The following COL9A1 variants were observed in gnomAD, a reference collection of about 807,000 sequenced individuals.
COL9A1 encodes collagen type IX alpha 1 chain, also known as collagen alpha-1(IX) chain.
A neutral mutation model predicts 142.6 loss-of-function variants in COL9A1; 104 were observed. That is an observed-to-expected ratio of 0.73 (90% CI 0.62 to 0.86). The LOEUF is 0.86. Ranked by LOEUF, COL9A1 falls within the 40% of genes least tolerant of loss-of-function variation. The pLI is 0.00. For synonymous variants in COL9A1, 466 were observed against 396.0 expected, an observed-to-expected ratio of 1.18 and a Z score of -2.10; for missense variants, 1,210 against 1,176.6, an observed-to-expected ratio of 1.03 and a Z score of -0.42.
chr6:70,287,017 T>C (rs566565198), intron 5 of COL9A1, among the ~76,000 whole-genome samples: 8 of 152,342 alleles, frequency 5.3e-5, no homozygotes, highest in Admixed American at 1.3e-4. Flanking sequence ...GATTTGATGA[T>C]AAATACTATA....
chr6:70,252,537 T>C (rs972024040), intron 26 of COL9A1, among the ~76,000 whole-genome samples: 2 of 152,304 alleles, frequency 1.3e-5, no homozygotes, highest in East Asian at 3.9e-4. Flanking sequence ...AAAGGTCAAA[T>C]GTCAAACAAT....
Position 70,300,114 on chromosome 6 carries a change from T to A in COL9A1, c.228A>T (p.Arg76Ser). Residue 76 changes from arginine to serine, a missense_variant, in exon 4 of 38, where the codon AGA becomes AGT. Coordinates refer to ENST00000357250, the MANE Select transcript of COL9A1 (RefSeq NM_001851.6). ...CCTGCAATGTAGCTGATCCCACTAC[T>A]CTCTGGATAGCTCTTCTAGATGCTG... ...DKAASRRAIQ[R>S]VVGSATLQVA... 1 of 1,613,812 alleles carries A rather than the reference T, an allele frequency of 6.2e-7. No individual in the cohort carries two copies. Among genetic ancestry groups the A allele is most frequent in the Non-Finnish European group, 8.5e-7 (1 of 1,179,802 alleles).
intron 14 of COL9A1, among the ~76,000 whole-genome samples, chr6:70,271,337 T>G (rs77290250): frequency 0.045 from 6,883 of 152,236 alleles, 248 homozygotes; most frequent in Non-Finnish European, 0.07. Context: ...TCACTTTTAT[T>G]TCATGCAGGG....
intron 36 of COL9A1, among the ~76,000 whole-genome samples, chr6:70,228,841 C>T (rs1466085555): frequency 6.6e-6 from 1 of 151,980 alleles, no homozygotes; most frequent in Non-Finnish European, 1.5e-5. Context: ...ATCAATATGG[C>T]CTTACTATAT....
At chr6:70,266,042 T>C (rs1457177942) in intron 18 of COL9A1, among the ~76,000 whole-genome samples, 1 of 152,146 alleles carries the variant, frequency 6.6e-6, no homozygotes, top group African/African-American at 2.4e-5. Flanking sequence ...AAACCTACTA[T>C]GCAGGAAGTC....
chr6:70,256,733 C>G, intron 21 of COL9A1, 35 bp downstream of exon 21: 1 of 1,580,406 alleles, frequency 6.3e-7, no homozygotes, highest in African/African-American at 1.4e-5. Context: ...AAAAAAAAAT[C>G]TATCATTGGG....
At chr6:70,277,580 C>G (rs1161516845) in intron 10 of COL9A1, among the ~76,000 whole-genome samples, 1 of 152,158 alleles carries the variant, frequency 6.6e-6, no homozygotes. Context: ...GTGTTCTGAA[C>G]TTCATGTTAC....
In COL9A1 at chr6:70,270,335, G is replaced by A; in HGVS notation, c.1176C>T (p.Pro392=). The change falls in exon 15 of 38, where the codon CCC becomes CCT. Residue 392 remains proline (P), a synonymous_variant. Coordinates refer to ENST00000357250, the MANE Select transcript of COL9A1 (RefSeq NM_001851.6). ...TTACTCTGGGTCCTGGGGGGCCAGG[G>A]GGGCCAGGTGGTCCTCTTCTCCCAG... The part of the protein sequence containing the change: ...GDPGRRGPPG[P]PGPPGPRGTI... 5.0e-6 allele frequency: 8 copies of A among 1,613,774 alleles called. No homozygotes were observed. Among genetic ancestry groups the A allele is most frequent in the Non-Finnish European group, 6.8e-6 (8 of 1,179,850 alleles).
At chr6:70,296,630 T>G (rs1773859482) in intron 4 of COL9A1, among the ~76,000 whole-genome samples, 1 of 152,154 alleles carries the variant, frequency 6.6e-6, no homozygotes, top group Non-Finnish European at 1.5e-5. Context: ...CACAATAAAA[T>G]GCACTGCCTA....
rs756179120 is a variant in COL9A1 at position 70,283,721 on chromosome 6, T to A, written c.780+16A>T. Reference sequence around the variant, plus strand: ...GCTGGGTAGAAGTGGCCTTTGCAGGTAGTCAGGGGACTCACCGTTATTCTG... The same window carrying A: ...GCTGGGTAGAAGTGGCCTTTGCAGGAAGTCAGGGGACTCACCGTTATTCTG... On this transcript the variant is annotated intron_variant, in intron 6 of 37. Coordinates refer to ENST00000357250, the MANE Select transcript of COL9A1 (RefSeq NM_001851.6). 6.2e-7 allele frequency: 1 copy of A among 1,602,638 alleles called. No homozygotes were observed.
Position 70,236,490 on chromosome 6 carries a change from G to A in COL9A1, c.2113-1550C>T, listed in dbSNP as rs1769918377. Reference sequence around the variant, plus strand: ...GAATGCTAGTGTTCAAGATATGAATGTTTATAAAGCAATTTAATCCTGCTT... The same window carrying A: ...GAATGCTAGTGTTCAAGATATGAATATTTATAAAGCAATTTAATCCTGCTT... On this transcript the variant is annotated intron_variant, in intron 33 of 37. Transcript: ENST00000357250. Among the ~76,000 whole-genome samples the A allele has an allele frequency of 1.3e-5, 2 of 152,168 alleles. 1 individual carries two copies. Among genetic ancestry groups the A allele is most frequent in the South Asian group, 4.1e-4 (2 of 4,832 alleles).
Position 70,281,043 on chromosome 6 carries a change from G to A in COL9A1, c.877-4C>T, listed in dbSNP as rs747786225. ...GGCCCTTAGGACCTCGGTCACCCTG[G>A]AGGGGTAGGAGAAAAAGAGAGAGCA... On this transcript the variant is annotated splice_region_variant and splice_polypyrimidine_tract_variant and intron_variant, in intron 8 of 37. Transcript: ENST00000357250. The A allele has an allele frequency of 6.2e-7, 1 of 1,608,542 alleles. No individual in the cohort carries two copies. Among genetic ancestry groups the A allele is most frequent in the East Asian group, 2.2e-5 (1 of 44,796 alleles).
chr6:70,283,245 T>C, intron 6 of COL9A1: 5 of 1,447,762 alleles, frequency 3.5e-6, no homozygotes, highest in Non-Finnish European at 3.6e-6. Flanking sequence ...GAGAGGGTCC[T>C]GGGATTGGAG....
chr6:70,297,098 G>T (rs2127606678), intron 4 of COL9A1, among the ~76,000 whole-genome samples: 2 of 152,152 alleles, frequency 1.3e-5, no homozygotes, highest in Middle Eastern at 3.4e-3. Context: ...CCCAATTTGT[G>T]TTTCATTCAA....
Position 70,270,192 on chromosome 6 carries a change from A to G in COL9A1, c.1197+122T>C, listed in dbSNP as rs996509269. ...TGCCCTTGAGTGCATGGAAAAATTG[A>G]TAGCCGTTTTGGAAATTTGGGACAA... On this transcript the variant is annotated intron_variant, in intron 15 of 37. Coordinates refer to ENST00000357250, the MANE Select transcript of COL9A1 (RefSeq NM_001851.6). 3 of 917,586 alleles carry G rather than the reference A, an allele frequency of 3.3e-6. No individual in the cohort carries two copies. In the African/African-American group the frequency reaches 4.9e-5, roughly 15 times the overall value. 56.8% of individuals were successfully genotyped at this position (917,586 alleles called of 1,614,324 possible).
At chr6:70,301,363 G>A (rs1441401966) in intron 2 of COL9A1, among the ~76,000 whole-genome samples, 3 of 152,102 alleles carry the variant, frequency 2.0e-5, no homozygotes, top group African/African-American at 7.2e-5. Context: ...ATCACCTGAG[G>A]TCAGGTGTTC....
intron 28 of COL9A1, among the ~76,000 whole-genome samples, chr6:70,249,447 G>T (rs968792536): frequency 6.6e-6 from 1 of 152,098 alleles, no homozygotes; most frequent in African/African-American, 2.4e-5. Flanking sequence ...GGGAGACACT[G>T]GTAGAGAAAG....
chr6:70,302,254 G>C (rs540938275), intron 1 of COL9A1, among the ~76,000 whole-genome samples, 180 bp from the exon 2 acceptor site: 1 of 132,808 alleles, frequency 7.5e-6, no homozygotes, highest in East Asian at 2.2e-4. Context: ...CTGTCACCCA[G>C]GCTGGAGTGC....
chr6:70,217,160 C>T lies in COL9A1; in HGVS notation c.2582-79G>A, dbSNP rs574305278. ...ACTGGCAGAGGGCATGGCTCAGCAG[C>T]GCTCAGATAAGGGGTTTAACAAACG... On this transcript the variant is annotated intron_variant, in intron 37 of 37. Transcript: ENST00000357250. 7.5e-5 allele frequency: 109 copies of T among 1,445,414 alleles called. No homozygotes were observed. In the South Asian group the frequency reaches 1.2e-3, roughly 15 times the overall value. The allele number at this position is 1,445,414 out of a possible 1,614,324, so 89.5% of individuals were successfully genotyped here. A position where few individuals can be genotyped will look rare whatever the true frequency, so the allele number is the denominator to read the frequency against.
Sources: allele counts gnomAD v4.1 joint callset (sites outside exome capture counted in the v4.1 genomes callset), GRCh38; gene constraint gnomAD v4.1.1; transcripts MANE v1.5; gene names NCBI Gene and HGNC (gene_info 2026-07-23, HGNC 2026-07-21).